Variants in BBOX1 observed in about 807,000 individuals in gnomAD.
BBOX1 encodes the protein gamma-butyrobetaine dioxygenase.
In BBOX1, 35 loss-of-function variants were observed where a neutral mutation model predicts 41.6. That is an observed-to-expected ratio of 0.84 (90% CI 0.64 to 1.11). BBOX1 has a LOEUF of 1.11. BBOX1 is among the 50% of genes most tolerant of loss of function. The pLI, the probability that BBOX1 is intolerant of heterozygous loss-of-function variation, is 0.00. For missense variants in BBOX1, 458 were observed against 460.6 expected (o/e 0.99, Z 0.05); for synonymous variants, 163 against 154.7 (o/e 1.05, Z -0.40).
intron 4 of BBOX1, among the ~76,000 whole-genome samples, chr11:27,083,160 T>G (rs1857910084): frequency 6.6e-6 from 1 of 152,162 alleles, no homozygotes; most frequent in South Asian, 2.1e-4. Context: ...AGACACAATC[T>G]CATTTTTCAG....
chr11:27,058,192 G>T (rs1224843203), intron 4 of BBOX1, among the ~76,000 whole-genome samples: 2 of 152,202 alleles, frequency 1.3e-5, no homozygotes, highest in Non-Finnish European at 2.9e-5. Flanking sequence ...TCCTGTTCCT[G>T]CTTTCCTCAT....
intron 2 of BBOX1, among the ~76,000 whole-genome samples, chr11:27,042,512 C>T (rs1243325580): frequency 6.6e-6 from 1 of 152,118 alleles, no homozygotes; most frequent in Admixed American, 6.5e-5. Flanking sequence ...ACCACCATGC[C>T]TGCCTAATTT....
At chr11:27,083,545 C>T (rs1250073248) in intron 4 of BBOX1, among the ~76,000 whole-genome samples, 1 of 152,062 alleles carries the variant, frequency 6.6e-6, no homozygotes, top group African/African-American at 2.4e-5. Context: ...AGTCTTCTCT[C>T]ATCCTTCAGA....
At chr11:27,052,386 C>T (rs1019200347) in intron 2 of BBOX1, among the ~76,000 whole-genome samples, 1 of 152,034 alleles carries the variant, frequency 6.6e-6, no homozygotes, top group Non-Finnish European at 1.5e-5. Context: ...ACCATACACA[C>T]TGTCATCACC....
intron 7 of BBOX1, among the ~76,000 whole-genome samples, chr11:27,123,215 A>G (rs968074987): frequency 2.0e-5 from 3 of 152,158 alleles, no homozygotes; most frequent in South Asian, 4.1e-4. Context: ...GTGTTACACT[A>G]TAACACACAC....
At chr11:27,126,877 T>C (rs1859678950) in intron 8 of BBOX1, among the ~76,000 whole-genome samples, 1 of 152,070 alleles carries the variant, frequency 6.6e-6, no homozygotes, top group African/African-American at 2.4e-5. Context: ...GGTTTCACCA[T>C]GTTAGCCAGG....
intron 4 of BBOX1, among the ~76,000 whole-genome samples, chr11:27,076,758 A>C (rs1857645548): frequency 6.6e-6 from 1 of 152,046 alleles, no homozygotes; most frequent in Admixed American, 6.5e-5. Flanking sequence ...GTTTTTGTGA[A>C]ATTGGAGGGC....
chr11:27,095,477 A>G (rs1858407447), intron 5 of BBOX1, among the ~76,000 whole-genome samples: 1 of 152,026 alleles, frequency 6.6e-6, no homozygotes, highest in African/African-American at 2.4e-5. Context: ...TCTGTTGTCA[A>G]AACAAATCAG....
chr11:27,086,555 T>C (rs1187847868), intron 4 of BBOX1, among the ~76,000 whole-genome samples: 1 of 152,168 alleles, frequency 6.6e-6, no homozygotes, highest in African/African-American at 2.4e-5. Context: ...TACTTTTCAC[T>C]GACAATGTAA....
intron 5 of BBOX1, among the ~76,000 whole-genome samples, chr11:27,103,050 C>G (rs143739151): frequency 1.3e-5 from 2 of 151,908 alleles, no homozygotes; most frequent in Admixed American, 1.3e-4. Flanking sequence ...AATAGCTGAG[C>G]CTGATGGTGG....
chr11:27,127,236 G>A, intron 8 of BBOX1, 57 bp from the exon 9 acceptor site: 1 of 1,555,744 alleles, frequency 6.4e-7, no homozygotes, highest in Non-Finnish European at 8.8e-7. Flanking sequence ...ACATTTTCTA[G>A]CTCTGTAAGT....
intron 4 of BBOX1, among the ~76,000 whole-genome samples, chr11:27,079,559 A>G (rs1022295060): frequency 2.6e-5 from 4 of 152,132 alleles, no homozygotes; most frequent in African/African-American, 9.7e-5. Context: ...AAAGAAAACA[A>G]TATGCCCATG....
At chr11:27,068,137 T>C (rs1174570980) in intron 4 of BBOX1, among the ~76,000 whole-genome samples, 1 of 151,600 alleles carries the variant, frequency 6.6e-6, no homozygotes, top group Non-Finnish European at 1.5e-5. Context: ...CTTTTAATTC[T>C]TTAAGAAATC....
chr11:27,123,316 ACATTT>A (rs1859531566), intron 7 of BBOX1, among the ~76,000 whole-genome samples: 1 of 152,124 alleles, frequency 6.6e-6, no homozygotes, highest in African/African-American at 2.4e-5. Flanking sequence ...GATTTTCATT[ACATTT>A]ATTAATCACA....
intron 4 of BBOX1, among the ~76,000 whole-genome samples, chr11:27,074,498 G>T (rs1857571409): frequency 6.6e-6 from 1 of 152,108 alleles, no homozygotes; most frequent in South Asian, 2.1e-4. Flanking sequence ...GGCTGAGGTA[G>T]TCTCAGATGG....
In BBOX1 at chr11:27,125,712, A is replaced by G; in HGVS notation, c.895A>G (p.Ile299Val). 1 of 1,611,390 alleles carries G rather than the reference A, an allele frequency of 6.2e-7. No homozygotes were observed. The highest frequency in any genetic ancestry group is 1.1e-5 in the South Asian group (1 of 90,624). ...INFNNATRDT[I>V]FDVPVERVQP... is the part of the protein sequence containing the mutation. ...CTTCAATAACGCAACTAGGGACACA[A>G]TATTTGATGTGCCTGTTGAAAGAGT... The change falls in exon 8 of 9, where the codon ATA becomes GTA. Residue 299 changes from isoleucine (I) to valine (V), a missense_variant. Coordinates refer to ENST00000263182, the MANE Select transcript of BBOX1 (RefSeq NM_003986.3).
chr11:27,049,145 G>T (rs1218908767), intron 2 of BBOX1, among the ~76,000 whole-genome samples: 1 of 133,430 alleles, frequency 7.5e-6, no homozygotes, highest in Non-Finnish European at 1.6e-5. Context: ...TGGGGGGGGG[G>T]AACTTCTGTA....
intron 4 of BBOX1, among the ~76,000 whole-genome samples, chr11:27,071,231 A>AG (rs1294374716): frequency 3.3e-5 from 5 of 151,926 alleles, no homozygotes; most frequent in Non-Finnish European, 1.5e-5. Context: ...AAATGCAAAA[A>AG]ATTAGCCAGG....
At chr11:27,053,005 A>G (rs190247093) in intron 2 of BBOX1, among the ~76,000 whole-genome samples, 20 of 152,334 alleles carry the variant, frequency 1.3e-4, no homozygotes, top group Non-Finnish European at 2.4e-4. Flanking sequence ...GGGCATAATT[A>G]TATCATAACT....
Sources: gnomAD v4.1 joint callset for allele counts (sites outside exome capture counted in the v4.1 genomes callset) on GRCh38, gnomAD v4.1.1 for gene constraint, MANE v1.5 for transcripts, NCBI Gene and HGNC (gene_info 2026-07-23, HGNC 2026-07-21) for gene names.